Variants in TEX36 observed in about 807,000 individuals in gnomAD.
TEX36 encodes the protein testis-expressed protein 36.
A neutral mutation model predicts 13.6 loss-of-function variants in TEX36; 12 were observed. The observed-to-expected ratio is 0.88, with a 90% CI of 0.56 to 1.43. The LOEUF (loss-of-function observed/expected upper bound fraction) is 1.43. TEX36 is among the 40% of genes most tolerant of loss of function. The pLI, the probability that TEX36 is intolerant of heterozygous loss-of-function variation, is 0.00. For synonymous variants in TEX36, 93 were observed against 83.0 expected (o/e 1.12, Z -0.65); for missense variants, 224 against 228.3 (o/e 0.98, Z 0.12).
At chr10:125,618,234 T>G (rs1411849647), downstream of TEX36, among the ~76,000 whole-genome samples, 4 of 152,186 alleles carry the variant, frequency 2.6e-5, no homozygotes, top group Non-Finnish European at 4.4e-5. Context: ...TGGTTTGAAT[T>G]TCCTCCCGTA....
At position 125,615,911 on chromosome 10, in the gene TEX36, C is replaced by T. The variant is rs546609377; in HGVS notation, c.265-39037G>A. Reference sequence around the variant, plus strand: ...GAATTCGGCTGTGAATCCATCTGGTCCTGCACTCTTTTTGCTTGGTAAGCT... The same window carrying T: ...GAATTCGGCTGTGAATCCATCTGGTTCTGCACTCTTTTTGCTTGGTAAGCT... On this transcript the variant is annotated intron_variant, in intron 3 of 3. Coordinates refer to the TEX36 transcript ENST00000532135. Among the ~76,000 whole-genome samples the T allele has an allele frequency of 3.3e-5, 5 of 152,284 alleles. No homozygotes were observed. In the South Asian group the frequency reaches 1.0e-3, roughly 32 times the overall value.
intron 3 of TEX36, among the ~76,000 whole-genome samples, chr10:125,583,285 A>G (rs1845905510): frequency 1.3e-5 from 2 of 152,066 alleles, no homozygotes; most frequent in South Asian, 4.2e-4. Flanking sequence ...ACTTAAAAGC[A>G]ACAGAAATTT....
At chr10:125,588,760 G>A (rs1021808883) in intron 3 of TEX36, among the ~76,000 whole-genome samples, 5 of 152,136 alleles carry the variant, frequency 3.3e-5, no homozygotes, top group African/African-American at 7.2e-5. Flanking sequence ...GACTATAGGC[G>A]TGTGCCACCA....
intron 3 of TEX36, among the ~76,000 whole-genome samples, chr10:125,601,928 G>T (rs1275957392): frequency 1.3e-5 from 2 of 152,192 alleles, no homozygotes; most frequent in Non-Finnish European, 2.9e-5. Flanking sequence ...CCTGCATGCG[G>T]GGTGTCTTCC....
chr10:125,679,802 G>A (rs962748532), intron 1 of TEX36, among the ~76,000 whole-genome samples: 10 of 152,292 alleles, frequency 6.6e-5, no homozygotes, highest in African/African-American at 2.2e-4. Context: ...TGGGATAGGC[G>A]GGCACGCAAT....
chr10:125,667,852 T>G, intron 1 of TEX36: 1 of 1,509,720 alleles, frequency 6.6e-7, no homozygotes, highest in Non-Finnish European at 9.2e-7. Flanking sequence ...TGGACTCATC[T>G]GCAGCCAGGA....
intron 3 of TEX36, among the ~76,000 whole-genome samples, chr10:125,640,490 A>G (rs1475424620): frequency 2.0e-5 from 3 of 152,102 alleles, no homozygotes; most frequent in Non-Finnish European, 4.4e-5. Flanking sequence ...TTGTTGTTTA[A>G]TATTTGGGGG....
intron 3 of TEX36, among the ~76,000 whole-genome samples, chr10:125,589,642 TTATAA>T (rs953596556): frequency 6.6e-6 from 1 of 152,236 alleles, no homozygotes; most frequent in Non-Finnish European, 1.5e-5. Flanking sequence ...TTTATTTGTC[TTATAA>T]TATGATAAAT....
At chr10:125,577,225 A>G (rs961468604) in intron 3 of TEX36, among the ~76,000 whole-genome samples, 48 of 152,306 alleles carry the variant, frequency 3.2e-4, no homozygotes, top group African/African-American at 1.0e-3. Flanking sequence ...GGCTGGGTGC[A>G]GTGGCTTATG....
chr10:125,640,642 G>A (rs565031180), intron 3 of TEX36, among the ~76,000 whole-genome samples: 4 of 152,236 alleles, frequency 2.6e-5, no homozygotes, highest in East Asian at 1.9e-4. Context: ...ATGGCACCAG[G>A]ATTAGCGCAA....
chr10:125,613,802 G>C (rs1471666990), intron 3 of TEX36, among the ~76,000 whole-genome samples: 1 of 152,092 alleles, frequency 6.6e-6, no homozygotes, highest in Non-Finnish European at 1.5e-5. Context: ...ACCCAGTAAT[G>C]GGATGGCTGG....
rs1451333534 is a variant in TEX36 at position 125,655,888 on chromosome 10, C to A, written c.*12G>T. On this transcript the variant is annotated 3_prime_UTR_variant, in exon 4 of 4. Transcript: ENST00000368821. Reference sequence around the variant, plus strand: ...CAGTATTACAAAATTCATCAAAAATCTTCTGGGAGGATTAGGACTCCAGTG... The same window carrying A: ...CAGTATTACAAAATTCATCAAAAATATTCTGGGAGGATTAGGACTCCAGTG... 1.9e-5 allele frequency: 28 copies of A among 1,473,350 alleles called. No homozygotes were observed. Among genetic ancestry groups the A allele is most frequent in the Admixed American group, 2.6e-5 (1 of 38,152 alleles). The allele number at this position is 1,473,350 out of a possible 1,614,324, so 91.3% of individuals were successfully genotyped here.
Position 125,595,671 on chromosome 10 carries a change from C to A in TEX36, c.265-18797G>T, listed in dbSNP as rs151327275. On this transcript the variant is annotated intron_variant, in intron 3 of 3. Transcript: ENST00000532135. ...GCACTCCTGCCTCAGGGCCTTTGCA[C>A]TGGCTGTTCTGCTGATACTCACATG... Among the ~76,000 whole-genome samples the A allele has an allele frequency of 5.3e-5, 8 of 152,314 alleles. No individual in the cohort carries two copies. In the East Asian group the frequency reaches 1.5e-3, roughly 29 times the overall value.
At chr10:125,600,011 T>C (rs1190172064) in intron 3 of TEX36, among the ~76,000 whole-genome samples, 3 of 152,186 alleles carry the variant, frequency 2.0e-5, no homozygotes, top group African/African-American at 7.2e-5. Context: ...CATTTCAGGA[T>C]TGGCTGTCTG....
chr10:125,604,033 G>A (rs922408579), intron 3 of TEX36, among the ~76,000 whole-genome samples: 5 of 152,182 alleles, frequency 3.3e-5, no homozygotes, highest in Non-Finnish European at 5.9e-5. Flanking sequence ...GCTTGCTGGT[G>A]AGCAATGAGC....
chr10:125,678,873 C>T (rs372487165), intron 1 of TEX36, among the ~76,000 whole-genome samples: 32 of 151,972 alleles, frequency 2.1e-4, no homozygotes, highest in East Asian at 5.8e-4. Context: ...GGTGGGCTTG[C>T]GCTCAGGCCC....
At chr10:125,671,905 A>G (rs909143416) in intron 1 of TEX36, among the ~76,000 whole-genome samples, 10 of 152,132 alleles carry the variant, frequency 6.6e-5, no homozygotes, top group Non-Finnish European at 1.5e-5. Flanking sequence ...TAGATTTTCT[A>G]GTTTATTTGC....
intron 3 of TEX36, among the ~76,000 whole-genome samples, chr10:125,591,877 AG>A (rs149011887): frequency 0.018 from 2,704 of 152,276 alleles, 75 homozygotes; most frequent in African/African-American, 0.062. Context: ...CAGGAAAGAC[AG>A]GGCTTTCCAT....
At chr10:125,677,102 A>G (rs976109616) in intron 1 of TEX36, among the ~76,000 whole-genome samples, 6 of 152,192 alleles carry the variant, frequency 3.9e-5, no homozygotes, top group Non-Finnish European at 7.4e-5. Context: ...TTGATGACTA[A>G]TGCTTTTCCC....
Sources: gnomAD v4.1 joint callset for allele counts (sites outside exome capture counted in the v4.1 genomes callset) on GRCh38, gnomAD v4.1.1 for gene constraint, MANE v1.5 for transcripts, NCBI Gene and HGNC (gene_info 2026-07-23, HGNC 2026-07-21) for gene names.